The following NAT1 variants were observed in gnomAD, a reference collection of about 807,000 sequenced individuals.
The protein encoded by NAT1 is N-acetyltransferase 1, also known as arylamine N-acetyltransferase 1.
For synonymous variants in NAT1, 144 were observed against 122.6 expected (o/e 1.17, Z -1.16); for missense variants, 400 against 339.2 (o/e 1.18, Z -1.41).
chr8:18,214,064 C>T (rs1000017352), intron 1 of NAT1, among the ~76,000 whole-genome samples: 3 of 152,116 alleles, frequency 2.0e-5, no homozygotes, highest in African/African-American at 7.2e-5. Flanking sequence ...CCGCCCGCCT[C>T]GGCTTCCCAA....
rs4298522 is a variant in NAT1 at position 18,211,173 on chromosome 8, T to A, written c.-86+993T>A. 59,266 of 102,060 alleles carry A rather than the reference T, an allele frequency of 0.58. 14,758 individuals are homozygous for A. Among genetic ancestry groups the A allele is most frequent in the African/African-American group, 0.77 (29,556 of 38,348 alleles). The allele number at this position is 102,060 out of a possible 1,614,324, so 6.3% of individuals were successfully genotyped here. ...CCAGGAGGTATGAATGACAAAAAAA[T>A]TTAACTCCTTCACCGTCAGACCGAG... On this transcript the variant is annotated intron_variant, in intron 1 of 2. Transcript: ENST00000307719.
At chr8:18,208,704 G>T (rs2117318823), upstream of NAT1, among the ~76,000 whole-genome samples, 1 of 152,254 alleles carries the variant, frequency 6.6e-6, no homozygotes, top group South Asian at 2.1e-4. Flanking sequence ...ATTTTGCATT[G>T]GAGGCTAGTG....
intron 2 of NAT1, among the ~76,000 whole-genome samples, chr8:18,171,024 T>A (rs1802078249): frequency 6.6e-6 from 1 of 152,198 alleles, no homozygotes; most frequent in Non-Finnish European, 1.5e-5. Context: ...CTAGATTGGA[T>A]CCAGTTAAAG....
intron 1 of NAT1, among the ~76,000 whole-genome samples, chr8:18,215,388 G>A (rs1439074334): frequency 6.6e-6 from 1 of 152,090 alleles, no homozygotes; most frequent in Admixed American, 6.6e-5. Context: ...GCCTTTAGTA[G>A]GAATATCAAG....
Position 18,204,458 on chromosome 8 carries a change from A to G in NAT1, n.93-5323A>G, listed in dbSNP as rs1161261749. Among the ~76,000 whole-genome samples the G allele has an allele frequency of 2.6e-5, 4 of 152,242 alleles. No individual in the cohort carries two copies. The East Asian group carries it at 5.8e-4, about 22-fold the overall frequency. On this transcript the variant is annotated intron_variant and non_coding_transcript_variant, in intron 2 of 4. Coordinates refer to the NAT1 transcript ENST00000517441. ...GTTATGTTAAACTAAGTAATAGATA[A>G]TCATGAAATATCTGAACCATTTAAG...
upstream of NAT1, among the ~76,000 whole-genome samples, chr8:18,205,961 G>T (rs575752167): frequency 6.6e-6 from 1 of 152,284 alleles, no homozygotes; most frequent in South Asian, 2.1e-4. Flanking sequence ...TTCTCCAAGG[G>T]CTAAAGGCTC....
chr8:18,212,005 C>A (rs10107390), intron 1 of NAT1, among the ~76,000 whole-genome samples: 4,294 of 152,194 alleles, frequency 0.028, 155 homozygotes, highest in African/African-American at 0.087. Context: ...AGGCAGACTA[C>A]CTCTGGGTTA....
intron 2 of NAT1, among the ~76,000 whole-genome samples, chr8:18,189,917 G>A (rs1271168198): frequency 1.3e-5 from 2 of 152,162 alleles, no homozygotes; most frequent in Non-Finnish European, 2.9e-5. Context: ...AGCCTCCTGA[G>A]TAGCTGGGAC....
rs773806089 is a variant in NAT1 at position 18,222,671 on chromosome 8, C to T, written c.624C>T (p.Tyr208=). The T allele has an allele frequency of 5.0e-6, 8 of 1,613,876 alleles. No individual in the cohort carries two copies. Among genetic ancestry groups the T allele is most frequent in the Non-Finnish European group, 6.8e-6 (8 of 1,180,000 alleles). The change falls in exon 3 of 3, where the codon TAC becomes TAT. Residue 208 remains tyrosine, a synonymous_variant. Transcript: ENST00000307719. ...AAGATTTTGAGTCTATGAATACATA[C>T]CTGCAGACATCTCCATCATCTGTGT... ...TIEDFESMNT[Y]LQTSPSSVFT... is the part of the protein sequence containing the mutation.
chr8:18,187,643 A>G (rs1280441557), intron 2 of NAT1, among the ~76,000 whole-genome samples: 1 of 152,094 alleles, frequency 6.6e-6, no homozygotes, highest in Non-Finnish European at 1.5e-5. Flanking sequence ...ATAAGTGGGA[A>G]TTAAATGATG....
chr8:18,210,325 T>G (rs993001297), intron 1 of NAT1, 145 bp downstream of exon 1: 2 of 152,212 alleles, frequency 1.3e-5, no homozygotes, highest in African/African-American at 4.8e-5. Flanking sequence ...TGGAAGCTAA[T>G]GCTGTCACTA....
intron 2 of NAT1, among the ~76,000 whole-genome samples, chr8:18,181,940 G>A (rs530205172): frequency 6.6e-6 from 1 of 152,122 alleles, no homozygotes; most frequent in Non-Finnish European, 1.5e-5. Context: ...CACTGTGGGG[G>A]CTCTGCCTGT....
At chr8:18,179,451 G>T (rs1273433577) in intron 2 of NAT1, among the ~76,000 whole-genome samples, 2 of 152,134 alleles carry the variant, frequency 1.3e-5, no homozygotes, top group Non-Finnish European at 2.9e-5. Context: ...CACCAGCCTG[G>T]AAGTGGCATG....
intron 2 of NAT1, among the ~76,000 whole-genome samples, chr8:18,174,797 G>A (rs1039297934): frequency 6.6e-6 from 1 of 152,094 alleles, no homozygotes; most frequent in East Asian, 1.9e-4. Context: ...ACAAGCCTAA[G>A]CCCCATCTTT....
At chr8:18,212,066 A>C (rs1804164417) in intron 1 of NAT1, among the ~76,000 whole-genome samples, 1 of 152,222 alleles carries the variant, frequency 6.6e-6, no homozygotes, top group South Asian at 2.1e-4. Flanking sequence ...CTTTTTTAAG[A>C]GAAAGAATAC....
Position 18,203,392 on chromosome 8 carries a change from T to A in NAT1, n.93-6389T>A, listed in dbSNP as rs552415665. Among the ~76,000 whole-genome samples the A allele has an allele frequency of 2.6e-5, 4 of 152,336 alleles. No individual in the cohort carries two copies. The South Asian group carries it at 8.3e-4, about 32-fold the overall frequency. ...TGTTCAGAATCATCAGAGTTAAATA[T>A]AACTGAGGCATTTTCACCTAGATCT... On this transcript the variant is annotated intron_variant and non_coding_transcript_variant, in intron 2 of 4. Coordinates refer to the NAT1 transcript ENST00000517441.
At chr8:18,184,264 T>C (rs920931522) in intron 2 of NAT1, among the ~76,000 whole-genome samples, 5 of 152,156 alleles carry the variant, frequency 3.3e-5, no homozygotes, top group African/African-American at 1.2e-4. Flanking sequence ...CAATCTGCCT[T>C]CTGGAAGACT....
chr8:18,190,988 A>G (rs1329604007), intron 2 of NAT1, among the ~76,000 whole-genome samples: 1 of 151,924 alleles, frequency 6.6e-6, no homozygotes, highest in African/African-American at 2.4e-5. Flanking sequence ...AATCTCTTGA[A>G]CCAGGAGGCA....
intron 2 of NAT1, among the ~76,000 whole-genome samples, chr8:18,171,308 C>T (rs1420804662): frequency 6.6e-6 from 1 of 152,082 alleles, no homozygotes; most frequent in Non-Finnish European, 1.5e-5. Flanking sequence ...ATCAGAACCA[C>T]CCCCCCAAAA....
Sources: gnomAD v4.1 joint callset for allele counts (sites outside exome capture counted in the v4.1 genomes callset) on GRCh38, gnomAD v4.1.1 for gene constraint, MANE v1.5 for transcripts, NCBI Gene and HGNC (gene_info 2026-07-23, HGNC 2026-07-21) for gene names.